The following C4orf33 variants were observed in gnomAD, a reference collection of about 807,000 sequenced individuals.
The protein encoded by C4orf33 is chromosome 4 open reading frame 33.
A neutral mutation model predicts 24.3 loss-of-function variants in C4orf33; 20 were observed. That is an observed-to-expected ratio of 0.82 (90% CI 0.58 to 1.19). The LOEUF (loss-of-function observed/expected upper bound fraction) is 1.19, where lower values mean the gene tolerates loss of function less well. Ranked by LOEUF, C4orf33 falls within the 50% of genes most tolerant of loss-of-function variation. The pLI is 0.00. For synonymous variants in C4orf33, 67 were observed against 76.4 expected (o/e 0.88, Z 0.64); for missense variants, 207 against 225.9 (o/e 0.92, Z 0.54).
chr4:129,111,752 G>A lies in C4orf33; in HGVS notation c.561G>A (p.Pro187=), dbSNP rs114426004. The A allele has an allele frequency of 1.8e-4, 297 of 1,611,920 alleles. 1 individual carries two copies. Among genetic ancestry groups the A allele is most frequent in the African/African-American group, 1.6e-3 (120 of 74,892 alleles). The change falls in exon 6 of 6, where the codon CCG becomes CCA. Residue 187 remains proline (P), a synonymous_variant. Transcript: ENST00000425929. ...NTLLGEEWKQ[P]ESDLWLIEKC... ...TGCTTGGAGAAGAGTGGAAACAACC[G>A]GAATCAGACCTGTGGCTAATAGAGA... is the stretch of plus-strand genomic sequence containing the variant.
chr4:129,104,083 C>A (rs1753444926), intron 2 of C4orf33, among the ~76,000 whole-genome samples: 1 of 152,172 alleles, frequency 6.6e-6, no homozygotes, highest in African/African-American at 2.4e-5. Context: ...TAAACCAGTT[C>A]TTTACCTAAT....
At chr4:129,110,421 C>A (rs1220994250) in intron 5 of C4orf33, among the ~76,000 whole-genome samples, 1 of 152,180 alleles carries the variant, frequency 6.6e-6, no homozygotes, top group South Asian at 2.1e-4. Context: ...GAGCTCCTGG[C>A]CAGCCTTATG....
chr4:129,113,049 A>T lies in C4orf33; in HGVS notation c.*1258A>T, dbSNP rs912075781. The T allele has an allele frequency of 2.0e-5, 3 of 149,958 alleles. No individual in the cohort carries two copies. The highest frequency in any genetic ancestry group is 7.3e-5 in the African/African-American group (3 of 41,136). 9.3% of individuals were successfully genotyped at this position (149,958 alleles called of 1,614,324 possible). Reference sequence around the variant, plus strand: ...ATAAAACTATCAAAATAAAAACAAGATATATTTTAGAGCATCTTGATTTTA... The same window carrying T: ...ATAAAACTATCAAAATAAAAACAAGTTATATTTTAGAGCATCTTGATTTTA... On this transcript the variant is annotated 3_prime_UTR_variant, in exon 6 of 6. Coordinates refer to ENST00000425929, the MANE Select transcript of C4orf33 (RefSeq NM_001099783.2).
At chr4:129,104,963 TG>T (rs1753471414) in intron 2 of C4orf33, among the ~76,000 whole-genome samples, 2 of 141,240 alleles carry the variant, frequency 1.4e-5, no homozygotes, top group Non-Finnish European at 3.2e-5. Flanking sequence ...CATCTGAGTG[TG>T]TGTGTGTGTG....
At chr4:129,100,771 A>G (rs1027053612) in intron 1 of C4orf33, 10 of 152,228 alleles carry the variant, frequency 6.6e-5, no homozygotes, top group Non-Finnish European at 1.5e-4. Context: ...ATCAAGCTCT[A>G]AATTAGGAGA....
Position 129,104,998 on chromosome 4 carries a change from CAT to C in C4orf33, c.182-1588_182-1587del, listed in dbSNP as rs757270954. 1.7e-3 allele frequency among the ~76,000 whole-genome samples: 257 copies of C among 151,608 alleles called. 1 individual carries two copies. Among genetic ancestry groups the C allele is most frequent in the Middle Eastern group, 3.4e-3 (1 of 294 alleles). ...TGTGTGTGTGTGATATATATACACA[CAT>C]GTATGTATAGTGAGAGAGAGAGTAT... On this transcript the variant is annotated intron_variant, in intron 2 of 5. Transcript: ENST00000425929.
Position 129,112,430 on chromosome 4 carries a change from G to A in C4orf33, c.*639G>A, listed in dbSNP as rs1371884203. On this transcript the variant is annotated 3_prime_UTR_variant, in exon 6 of 6. Coordinates refer to ENST00000425929, the MANE Select transcript of C4orf33 (RefSeq NM_001099783.2). ...CTTCCAGGCAAAACTAATATTTGAT[G>A]ATAGATACCAGAACAGTGGCTGCTT... 1 of 152,136 alleles carries A rather than the reference G, an allele frequency of 6.6e-6. No homozygotes were observed. The highest frequency in any genetic ancestry group is 2.4e-5 in the African/African-American group (1 of 41,422). 9.4% of individuals were successfully genotyped at this position (152,136 alleles called of 1,614,324 possible). A position where few individuals can be genotyped will look rare whatever the true frequency, so the allele number is the denominator to read the frequency against.
At chr4:129,110,081 C>A in intron 5 of C4orf33, 1 of 828,376 alleles carries the variant, frequency 1.2e-6, no homozygotes, top group Non-Finnish European at 1.5e-6. Flanking sequence ...CTCTCTAGTT[C>A]TCCTCTTCTG....
rs1753697795 is a variant in C4orf33, at chr4:129,111,768, C to G, written c.577C>G (p.Leu193Val). 1.9e-6 allele frequency: 3 copies of G among 1,608,110 alleles called. No individual in the cohort carries two copies. Among genetic ancestry groups the G allele is most frequent in the South Asian group, 1.1e-5 (1 of 90,780 alleles). The stretch of plus-strand genomic sequence containing the variant: ...GAAACAACCGGAATCAGACCTGTGG[C>G]TAATAGAGAAATGTGATATATAGGA... ...EWKQPESDLW[L>V]IEKCDI The change falls in exon 6 of 6, where the codon CTA becomes GTA. Residue 193 changes from leucine (L) to valine (V), a missense_variant. Leu to Val is a conservative substitution (Grantham distance 32, BLOSUM62 1). Coordinates refer to ENST00000425929, the MANE Select transcript of C4orf33 (RefSeq NM_001099783.2).
At chr4:129,110,112 A>G in intron 5 of C4orf33, 1 of 601,036 alleles carries the variant, frequency 1.7e-6, no homozygotes, top group Non-Finnish European at 2.1e-6. Flanking sequence ...AAGGATAAAA[A>G]TATCAACTAT....
chr4:129,106,595 G>T lies in C4orf33; in HGVS notation c.190G>T (p.Ala64Ser), dbSNP rs758542700. 2.6e-5 allele frequency: 39 copies of T among 1,528,506 alleles called. No homozygotes were observed. Among genetic ancestry groups the T allele is most frequent in the Non-Finnish European group, 3.0e-5 (34 of 1,118,370 alleles). 94.7% of individuals were successfully genotyped at this position (1,528,506 alleles called of 1,614,324 possible). A position where few individuals can be genotyped will look rare whatever the true frequency, so the allele number is the denominator to read the frequency against. ...NELWDYEVVE[A>S]FFLNDITEQY... is the part of the protein sequence containing the mutation. ...ATCTCTGTTTTCAAAAGTTGTGGAA[G>T]CATTTTTCTTGAATGATATAACTGA... The change falls in exon 3 of 6, where the codon GCA becomes TCA. Residue 64 changes from alanine (A) to serine (S), a missense_variant. Physicochemically the swap from Ala to Ser is moderately conservative, Grantham distance 99. Coordinates refer to ENST00000425929, the MANE Select transcript of C4orf33 (RefSeq NM_001099783.2).
intron 2 of C4orf33, among the ~76,000 whole-genome samples, chr4:129,103,674 A>G (rs896911586): frequency 1.3e-5 from 2 of 152,174 alleles, no homozygotes; most frequent in Admixed American, 1.3e-4. Flanking sequence ...CAGATGATAA[A>G]TCATTACTAT....
intron 5 of C4orf33, 96 bp from the exon 6 acceptor site, chr4:129,111,590 T>C (rs1753691494): frequency 1.5e-6 from 1 of 669,288 alleles, no homozygotes; most frequent in Admixed American, 2.6e-5. Flanking sequence ...TAGAATGTTG[T>C]ATTACAGTTG....
intron 1 of C4orf33, among the ~76,000 whole-genome samples, chr4:129,102,368 G>A (rs1407782434): frequency 6.6e-6 from 1 of 152,144 alleles, no homozygotes; most frequent in Non-Finnish European, 1.5e-5. Flanking sequence ...AAATAAAAAA[G>A]TGTTAAATCT....
chr4:129,106,759 T>TG, intron 3 of C4orf33, 112 bp downstream of exon 3: 2 of 549,956 alleles, frequency 3.6e-6, no homozygotes, highest in South Asian at 2.7e-5. Context: ...AATGGTACTC[T>TG]GAATTTGCTT....
chr4:129,100,946 T>A (rs1013956450), intron 1 of C4orf33, among the ~76,000 whole-genome samples: 3 of 152,192 alleles, frequency 2.0e-5, no homozygotes, highest in Admixed American at 6.5e-5. Flanking sequence ...CTTTGATGTT[T>A]CAACTAAAGA....
In C4orf33 at chr4:129,112,174, G is replaced by GA. The variant is rs1753706702; in HGVS notation, c.*388dup. 1 of 155,186 alleles carries GA rather than the reference G, an allele frequency of 6.4e-6. No homozygotes were observed. The highest frequency in any genetic ancestry group is 6.5e-5 in the Admixed American group (1 of 15,374). 9.6% of individuals were successfully genotyped at this position (155,186 alleles called of 1,614,324 possible). ...ATTTCATTCCTAGATATATACCCCA[G>GA]AAAAATGACTGCTCATAGCAGCTTT... On this transcript the variant is annotated 3_prime_UTR_variant, in exon 6 of 6. Coordinates refer to ENST00000425929, the MANE Select transcript of C4orf33 (RefSeq NM_001099783.2).
intron 1 of C4orf33, chr4:129,102,231 A>G (rs1753376607): frequency 6.4e-6 from 1 of 156,906 alleles, no homozygotes; most frequent in African/African-American, 2.4e-5. Context: ...ACTTAATTAC[A>G]ATTAAAAAAA....
At chr4:129,095,650 C>G (rs1181638097), upstream of C4orf33, among the ~76,000 whole-genome samples, 1 of 152,148 alleles carries the variant, frequency 6.6e-6, no homozygotes, top group East Asian at 1.9e-4. Context: ...GCACCCAGTA[C>G]TATGTGCAAA....
Sources: gnomAD v4.1 joint callset for allele counts (sites outside exome capture counted in the v4.1 genomes callset) on GRCh38, gnomAD v4.1.1 for gene constraint, MANE v1.5 for transcripts, NCBI Gene and HGNC (gene_info 2026-07-23, HGNC 2026-07-21) for gene names.